The following SLCO3A1 variants were observed in gnomAD, a reference collection of about 807,000 sequenced individuals.
The protein encoded by SLCO3A1 is PGE1 transporter.
Under a neutral mutation model 63.1 loss-of-function variants are expected in SLCO3A1, and 27 were observed. That is an observed-to-expected ratio of 0.43 (90% CI 0.32 to 0.59). SLCO3A1 has a LOEUF of 0.59. Among genes scored for constraint, SLCO3A1 ranks in the 20% least tolerant of loss-of-function variants. SLCO3A1 has a pLI of 0.09. For synonymous variants in SLCO3A1, 473 were observed against 409.9 expected, an observed-to-expected ratio of 1.15 and a Z score of -1.86; for missense variants, 773 against 945.8, an observed-to-expected ratio of 0.82 and a Z score of 2.40.
chr15:91,970,782 G>A (rs1321458972), intron 2 of SLCO3A1, among the ~76,000 whole-genome samples: 1 of 152,124 alleles, frequency 6.6e-6, no homozygotes, highest in African/African-American at 2.4e-5. Flanking sequence ...CTGACAGGCG[G>A]CAGTCTTCTC....
At chr15:92,133,482 C>T (rs990721354) in intron 7 of SLCO3A1, among the ~76,000 whole-genome samples, 1 of 145,866 alleles carries the variant, frequency 6.9e-6, no homozygotes, top group African/African-American at 2.5e-5. Flanking sequence ...CAGCAGGAGG[C>T]GAGTGGCAGG....
chr15:92,019,786 C>G (rs1476947173), intron 2 of SLCO3A1, among the ~76,000 whole-genome samples: 1 of 152,190 alleles, frequency 6.6e-6, no homozygotes, highest in East Asian at 1.9e-4. Context: ...TGTACAGAGC[C>G]CAGCAGCCTT....
At chr15:91,973,420 T>C (rs1317691358) in intron 2 of SLCO3A1, among the ~76,000 whole-genome samples, 1 of 152,208 alleles carries the variant, frequency 6.6e-6, no homozygotes, top group Non-Finnish European at 1.5e-5. Flanking sequence ...TTCAAACCTG[T>C]GACAAGTCAA....
At chr15:91,926,596 T>TGTGTGTGTGTGTGA in intron 2 of SLCO3A1, among the ~76,000 whole-genome samples, 1 of 105,316 alleles carries the variant, frequency 9.5e-6, no homozygotes, top group East Asian at 2.6e-4. Context: ...TGTGTGTGTG[T>TGTGTGTGTGTGTGA]GCGCGCGCGC....
Position 91,900,504 on chromosome 15 carries a change from A to AT in SLCO3A1, c.181-15485dup, listed in dbSNP as rs1315686533. On this transcript the variant is annotated intron_variant, in intron 1 of 9. Coordinates refer to ENST00000318445, the MANE Select transcript of SLCO3A1 (RefSeq NM_013272.4). This position sits in a 1 kb window ranked among gnomAD's most constrained non-coding sequence, Gnocchi z 4.3. ...GCCACTGTGCCCGGCTAATTTTTGT[A>AT]TTTTCAGTAGAGACGGGTTTCACCA... 1.3e-5 allele frequency among the ~76,000 whole-genome samples: 2 copies of AT among 151,606 alleles called. No individual in the cohort carries two copies. The highest frequency in any genetic ancestry group is 4.9e-5 in the African/African-American group (2 of 41,216).
chr15:91,854,117 G>C lies in SLCO3A1; in HGVS notation c.180+29G>C. The C allele has an allele frequency of 6.9e-7, 1 of 1,444,612 alleles. No homozygotes were observed. Among genetic ancestry groups the C allele is most frequent in the Non-Finnish European group, 9.2e-7 (1 of 1,089,194 alleles). 89.5% of individuals were successfully genotyped at this position (1,444,612 alleles called of 1,614,324 possible). On this transcript the variant is annotated intron_variant, in intron 1 of 9. Transcript: ENST00000318445. The surrounding 1 kb of genome is among the most constrained non-coding windows in gnomAD (Gnocchi z 6.4). ...AGTCCCCGAGCCAACTCCGCCGCGG[G>C]CCCCTTCCCCAGCCCGGCTCTCGAG...
intron 2 of SLCO3A1, among the ~76,000 whole-genome samples, chr15:91,928,263 G>A (rs564075162): frequency 5.9e-5 from 9 of 152,178 alleles, no homozygotes; most frequent in Admixed American, 2.6e-4. Flanking sequence ...TTATGGGGTC[G>A]CAGCTGTTAT....
intron 3 of SLCO3A1, among the ~76,000 whole-genome samples, chr15:92,103,741 A>G (rs1251127399): frequency 1.3e-5 from 2 of 151,906 alleles, no homozygotes; most frequent in Non-Finnish European, 1.5e-5. Context: ...AGGGTCACAC[A>G]GAGACAAAGG....
intron 2 of SLCO3A1, among the ~76,000 whole-genome samples, chr15:92,015,967 C>G (rs562986620): frequency 1.3e-5 from 2 of 152,028 alleles, no homozygotes; most frequent in African/African-American, 4.8e-5. Context: ...GGTTGGTCAC[C>G]AAATGAATTG....
At chr15:91,946,996 G>T (rs61109989) in intron 2 of SLCO3A1, among the ~76,000 whole-genome samples, 1 of 152,164 alleles carries the variant, frequency 6.6e-6, no homozygotes, top group Non-Finnish European at 1.5e-5. Flanking sequence ...GCTCACGGAG[G>T]ACTCTTCCAT....
At chr15:91,989,241 C>T (rs1030287827) in intron 2 of SLCO3A1, among the ~76,000 whole-genome samples, 1 of 152,196 alleles carries the variant, frequency 6.6e-6, no homozygotes, top group African/African-American at 2.4e-5. Context: ...CTTGTCTTCT[C>T]TATCTTCCCT....
At chr15:91,981,367 C>T (rs559393974) in intron 2 of SLCO3A1, among the ~76,000 whole-genome samples, 6 of 152,288 alleles carry the variant, frequency 3.9e-5, no homozygotes, top group South Asian at 4.1e-4. Flanking sequence ...TGTGAGGCCC[C>T]TCGGAATCCG....
At chr15:92,142,709 T>C (rs965313680) in intron 7 of SLCO3A1, among the ~76,000 whole-genome samples, 2 of 152,138 alleles carry the variant, frequency 1.3e-5, no homozygotes, top group Admixed American at 6.5e-5. Flanking sequence ...AAGGACACAT[T>C]TAGCTCACCC....
intron 2 of SLCO3A1, among the ~76,000 whole-genome samples, chr15:91,940,274 C>T (rs1394398472): frequency 6.6e-6 from 1 of 152,108 alleles, no homozygotes; most frequent in African/African-American, 2.4e-5. Flanking sequence ...GATACCTGCC[C>T]TTTCTGATAC....
intron 2 of SLCO3A1, among the ~76,000 whole-genome samples, chr15:92,056,028 C>G (rs2047016919): frequency 6.6e-6 from 1 of 151,896 alleles, no homozygotes; most frequent in Admixed American, 6.6e-5. Flanking sequence ...AAGCAGTTAC[C>G]TAGTGCCAGT....
intron 4 of SLCO3A1, among the ~76,000 whole-genome samples, chr15:92,115,621 A>G (rs1054213847): frequency 4.6e-5 from 7 of 151,826 alleles, no homozygotes; most frequent in African/African-American, 1.2e-4. Flanking sequence ...AGTCACTTCC[A>G]CATCTACTAA....
At chr15:92,114,518 G>A (rs1226456049) in intron 4 of SLCO3A1, among the ~76,000 whole-genome samples, 1 of 152,150 alleles carries the variant, frequency 6.6e-6, no homozygotes, top group Non-Finnish European at 1.5e-5. Flanking sequence ...CTCGGTGGTT[G>A]CTAAACCTTG....
chr15:92,036,876 A>G (rs556911873), intron 2 of SLCO3A1, among the ~76,000 whole-genome samples: 6 of 152,338 alleles, frequency 3.9e-5, no homozygotes, highest in Non-Finnish European at 5.9e-5. Context: ...GAGGCGATCC[A>G]TGGGCATCTT....
intron 2 of SLCO3A1, among the ~76,000 whole-genome samples, chr15:92,002,229 A>G (rs1182342953): frequency 1.3e-5 from 2 of 152,148 alleles, no homozygotes; most frequent in Non-Finnish European, 2.9e-5. Flanking sequence ...CCTACCTGCT[A>G]TTACCGCAGG....
Sources: gnomAD v4.1 joint callset for allele counts (sites outside exome capture counted in the v4.1 genomes callset) on GRCh38, gnomAD v4.1.1 for gene constraint, Gnocchi (gnomAD v3.1) non-coding constraint, MANE v1.5 for transcripts, NCBI Gene and HGNC (gene_info 2026-07-23, HGNC 2026-07-21) for gene names.